ZDHHC17: variants seen among roughly 807,000 people sequenced by gnomAD.
ZDHHC17 encodes the protein palmitoyltransferase ZDHHC17.
In ZDHHC17, 40 loss-of-function variants were observed where a neutral mutation model predicts 90.3. The observed-to-expected ratio is 0.44, with a 90% confidence interval of 0.34 to 0.58. The LOEUF (loss-of-function observed/expected upper bound fraction) is 0.58. Among genes scored for constraint, ZDHHC17 ranks in the 20% least tolerant of loss-of-function variants. The probability of loss-of-function intolerance (pLI) is 0.01; values close to 1 mark genes in which losing one functional copy is unlikely to be tolerated. For missense variants in ZDHHC17, 614 were observed against 780.8 expected, an observed-to-expected ratio of 0.79 and a Z score of 2.55; for synonymous variants, 235 against 252.4, an observed-to-expected ratio of 0.93 and a Z score of 0.65.
intron 1 of ZDHHC17, among the ~76,000 whole-genome samples, chr12:76,794,180 C>A (rs866952692): frequency 1.8e-4 from 28 of 152,044 alleles, no homozygotes; most frequent in African/African-American, 6.8e-4. Context: ...CCACTGCACC[C>A]GGCCAAATTA....
In ZDHHC17 at chr12:76,781,133, C is replaced by CAAA. The variant is rs33935444; in HGVS notation, c.94-16282_94-16280dup. On this transcript the variant is annotated intron_variant, in intron 1 of 16. Coordinates refer to ENST00000426126, the MANE Select transcript of ZDHHC17 (RefSeq NM_015336.4). ...TGGGCGACAAAGCGAGACTCCGTCT[C>CAAA]AAAAAAAAAAAAAAAAAAAAATCTG... Among the ~76,000 whole-genome samples the CAAA allele has an allele frequency of 4.5e-3, 413 of 91,806 alleles. 12 individuals carry two copies. Among genetic ancestry groups the CAAA allele is most frequent in the East Asian group, 0.011 (37 of 3,218 alleles). 60.2% of individuals were successfully genotyped at this position (91,806 alleles called of 152,430 possible). A position where few individuals can be genotyped will look rare whatever the true frequency, so the allele number is the denominator to read the frequency against.
chr12:76,807,650 C>A (rs1255288008), intron 3 of ZDHHC17, among the ~76,000 whole-genome samples: 1 of 152,006 alleles, frequency 6.6e-6, no homozygotes, highest in Non-Finnish European at 1.5e-5. Flanking sequence ...AGTTCCCTCT[C>A]CTTGTGAAGA....
intron 2 of ZDHHC17, among the ~76,000 whole-genome samples, chr12:76,804,644 G>T (rs1952933494): frequency 6.6e-6 from 1 of 152,180 alleles, no homozygotes; most frequent in Admixed American, 6.5e-5. Flanking sequence ...CTTAAGCGTG[G>T]AAAAGGACGG....
intron 1 of ZDHHC17, among the ~76,000 whole-genome samples, chr12:76,767,629 G>T (rs1592453626): frequency 6.6e-6 from 1 of 152,226 alleles, no homozygotes; most frequent in East Asian, 1.9e-4. Flanking sequence ...CTGGTTAAGA[G>T]CCAAAGTTGG....
At chr12:76,839,898 A>T (rs758307382) in intron 10 of ZDHHC17, among the ~76,000 whole-genome samples, 11 of 152,218 alleles carry the variant, frequency 7.2e-5, no homozygotes, top group Non-Finnish European at 1.3e-4. Context: ...TTTATACCTA[A>T]ATATATTGTT....
chr12:76,829,096 C>CTG (rs1953265610), intron 10 of ZDHHC17, among the ~76,000 whole-genome samples: 1 of 151,928 alleles, frequency 6.6e-6, no homozygotes, highest in Admixed American at 6.6e-5. Context: ...AAAAGGAACG[C>CTG]TGTTGGTGGG....
intron 10 of ZDHHC17, among the ~76,000 whole-genome samples, chr12:76,832,559 A>G (rs1953316456): frequency 6.6e-6 from 1 of 152,252 alleles, no homozygotes; most frequent in Non-Finnish European, 1.5e-5. Flanking sequence ...CCTTGTTTAC[A>G]TGTGTTTCTG....
At chr12:76,771,737 A>G (rs867288386) in intron 1 of ZDHHC17, among the ~76,000 whole-genome samples, 2 of 151,680 alleles carry the variant, frequency 1.3e-5, no homozygotes, top group South Asian at 4.2e-4. Context: ...AACTATCCCT[A>G]TTCTCATGAA....
intron 1 of ZDHHC17, among the ~76,000 whole-genome samples, chr12:76,792,909 C>G (rs11115439): frequency 0.011 from 1,679 of 152,236 alleles, 11 homozygotes; most frequent in Non-Finnish European, 0.017. Context: ...ACAGTGACAT[C>G]AAACTTAAGT....
intron 7 of ZDHHC17, among the ~76,000 whole-genome samples, chr12:76,818,843 G>A (rs1953122925): frequency 6.6e-6 from 1 of 152,148 alleles, no homozygotes. Flanking sequence ...GATTTATGTA[G>A]GCTGATTATA....
intron 14 of ZDHHC17, among the ~76,000 whole-genome samples, chr12:76,847,104 A>T (rs188758409): frequency 4.6e-5 from 7 of 152,360 alleles, no homozygotes; most frequent in Admixed American, 3.9e-4. Flanking sequence ...AAAGTAAGGT[A>T]TAATTATTGC....
At chr12:76,812,209 G>A (rs891997120) in intron 5 of ZDHHC17, among the ~76,000 whole-genome samples, 2 of 152,094 alleles carry the variant, frequency 1.3e-5, no homozygotes, top group African/African-American at 4.8e-5. Flanking sequence ...ATACTGTGAG[G>A]GCCCAGAGTT....
chr12:76,777,855 G>A (rs1020180866), intron 1 of ZDHHC17, among the ~76,000 whole-genome samples: 3 of 152,162 alleles, frequency 2.0e-5, no homozygotes, highest in Non-Finnish European at 4.4e-5. Context: ...AGACACATGA[G>A]GAAGTGAAAC....
At chr12:76,782,632 T>C (rs117537746) in intron 1 of ZDHHC17, among the ~76,000 whole-genome samples, 3,407 of 151,644 alleles carry the variant, frequency 0.022, 43 homozygotes, top group Non-Finnish European at 0.035. Flanking sequence ...TGAGCAAGAG[T>C]TTTAAGAATT....
At chr12:76,823,235 A>G (rs1444950062) in intron 8 of ZDHHC17, among the ~76,000 whole-genome samples, 3 of 152,224 alleles carry the variant, frequency 2.0e-5, no homozygotes, top group Admixed American at 6.5e-5. Context: ...TCTAATACAT[A>G]TCTTTTTAAA....
chr12:76,817,684 A>C (rs1410853208), intron 7 of ZDHHC17, among the ~76,000 whole-genome samples: 1 of 152,128 alleles, frequency 6.6e-6, no homozygotes, highest in Non-Finnish European at 1.5e-5. Context: ...TGTCTTTTCA[A>C]GTAAATAATG....
chr12:76,837,738 A>T (rs1298274145), intron 10 of ZDHHC17, among the ~76,000 whole-genome samples: 5 of 152,172 alleles, frequency 3.3e-5, no homozygotes, highest in Non-Finnish European at 7.3e-5. Flanking sequence ...TGTATTTATT[A>T]ATTCTGGGAT....
At chr12:76,765,214 G>A (rs1281269450) in intron 1 of ZDHHC17, among the ~76,000 whole-genome samples, 1 of 152,234 alleles carries the variant, frequency 6.6e-6, no homozygotes, top group African/African-American at 2.4e-5. Flanking sequence ...AAAGATGACA[G>A]TCGTGTTGTA....
At chr12:76,814,197 G>T (rs1953057668) in intron 5 of ZDHHC17, among the ~76,000 whole-genome samples, 2 of 151,872 alleles carry the variant, frequency 1.3e-5, no homozygotes, top group Admixed American at 6.6e-5. Flanking sequence ...AAAGTCTTGC[G>T]CAAGGAGAAT....
Sources: gnomAD v4.1 joint callset for allele counts (sites outside exome capture counted in the v4.1 genomes callset) on GRCh38, gnomAD v4.1.1 for gene constraint, MANE v1.5 for transcripts, NCBI Gene and HGNC (gene_info 2026-07-23, HGNC 2026-07-21) for gene names.